The following GPC6 variants were observed in gnomAD, a reference collection of about 807,000 sequenced individuals.
GPC6 encodes glypican-6.
In GPC6, 14 loss-of-function variants were observed where a neutral mutation model predicts 55.2. The ratio of observed to expected loss-of-function variants is 0.25; its 90% CI spans 0.17 to 0.40. The LOEUF (loss-of-function observed/expected upper bound fraction) is 0.40. Among genes scored for constraint, GPC6 ranks in the 10% least tolerant of loss-of-function variants. GPC6 has a pLI of 1.00. For synonymous variants in GPC6, 278 were observed against 259.6 expected (o/e 1.07, Z -0.68); for missense variants, 641 against 708.5 (o/e 0.90, Z 1.08).
intron 6 of GPC6, among the ~76,000 whole-genome samples, chr13:94,336,584 C>T (rs923992961): frequency 4.6e-5 from 7 of 151,996 alleles, no homozygotes; most frequent in African/African-American, 1.7e-4. Flanking sequence ...GTTGCTCTTC[C>T]CAGGATGGAG....
chr13:94,230,038 C>T (rs550704007), intron 4 of GPC6, among the ~76,000 whole-genome samples: 5 of 152,150 alleles, frequency 3.3e-5, no homozygotes, highest in Non-Finnish European at 7.4e-5. Flanking sequence ...CAGACAGATT[C>T]GTGGGCTGAT....
chr13:93,642,705 A>T (rs185868964), intron 2 of GPC6, among the ~76,000 whole-genome samples: 20 of 152,242 alleles, frequency 1.3e-4, no homozygotes, highest in Non-Finnish European at 2.5e-4. Flanking sequence ...ATACAGAACA[A>T]CGATTTTTAC....
intron 3 of GPC6, among the ~76,000 whole-genome samples, chr13:93,896,064 G>T (rs1875996663): frequency 6.6e-6 from 1 of 151,978 alleles, no homozygotes; most frequent in South Asian, 2.1e-4. Context: ...CTAACACAAA[G>T]AAATGATAAA....
chr13:93,917,989 C>T (rs563991637), intron 3 of GPC6, among the ~76,000 whole-genome samples: 2 of 151,700 alleles, frequency 1.3e-5, no homozygotes, highest in Non-Finnish European at 2.9e-5. Flanking sequence ...CCCAGCTACT[C>T]GGGAGGCTGA....
chr13:94,150,089 G>A (rs1255557694), intron 4 of GPC6, among the ~76,000 whole-genome samples: 2 of 151,840 alleles, frequency 1.3e-5, no homozygotes, highest in Admixed American at 1.3e-4. Context: ...GCCCTTCTTG[G>A]TGCCCCTTAT....
intron 2 of GPC6, among the ~76,000 whole-genome samples, chr13:93,705,156 C>T (rs1165452227): frequency 6.6e-6 from 1 of 151,868 alleles, no homozygotes; most frequent in African/African-American, 2.4e-5. Context: ...TACTAGTTTT[C>T]CTTTTCTATA....
At chr13:93,661,810 A>G (rs975879758) in intron 2 of GPC6, among the ~76,000 whole-genome samples, 1 of 152,286 alleles carries the variant, frequency 6.6e-6, no homozygotes, top group Middle Eastern at 3.4e-3. Context: ...ATCACTTTAT[A>G]CAGGCATATA....
the GPC6 span, among the ~76,000 whole-genome samples, chr13:93,218,163 G>T: frequency 1.4e-4 from 20 of 141,776 alleles, no homozygotes; most frequent in Non-Finnish European, 2.8e-4. Flanking sequence ...CACCAGATTT[G>T]CTTTCTCACA....
At chr13:93,258,465 G>A (rs934733201) in intron 1 of GPC6, among the ~76,000 whole-genome samples, 10 of 152,108 alleles carry the variant, frequency 6.6e-5, no homozygotes, top group Non-Finnish European at 1.3e-4. Flanking sequence ...GATCTTGGCT[G>A]TGGTCTTGGC....
intron 1 of GPC6, among the ~76,000 whole-genome samples, chr13:93,364,269 A>T (rs4360801): frequency 5.6e-4 from 85 of 152,282 alleles, no homozygotes; most frequent in African/African-American, 2.0e-3. Flanking sequence ...TTCTTGGTGG[A>T]TGAAGACGAA....
intron 3 of GPC6, among the ~76,000 whole-genome samples, chr13:93,984,405 G>T (rs1356534215): frequency 6.6e-6 from 1 of 152,092 alleles, no homozygotes; most frequent in Non-Finnish European, 1.5e-5. Context: ...AGAATGAATG[G>T]CTCAAAACTG....
intron 1 of GPC6, among the ~76,000 whole-genome samples, chr13:93,287,699 T>A (rs1324788725): frequency 6.6e-6 from 1 of 152,208 alleles, no homozygotes; most frequent in African/African-American, 2.4e-5. Context: ...TTACTAAAGA[T>A]ATTTCCTTTA....
intron 2 of GPC6, among the ~76,000 whole-genome samples, chr13:93,688,130 A>G (rs9561427): frequency 0.26 from 38,986 of 151,938 alleles, 5,630 homozygotes; most frequent in East Asian, 0.47. Context: ...CAACGTTTCA[A>G]TTTATCAACC....
intron 4 of GPC6, chr13:94,187,828 A>G (rs576903233): frequency 2.0e-5 from 3 of 152,360 alleles, no homozygotes; most frequent in South Asian, 2.1e-4. Flanking sequence ...TAAGATATAT[A>G]TAGTTTTGAG....
At chr13:93,596,610 A>ATATATAT (rs1566441951) in intron 2 of GPC6, among the ~76,000 whole-genome samples, 3 of 132,870 alleles carry the variant, frequency 2.3e-5, no homozygotes, top group African/African-American at 9.1e-5. Context: ...TAAATAAATA[A>ATATATAT]ATATATATAT....
intron 5 of GPC6, among the ~76,000 whole-genome samples, chr13:94,288,116 T>G (rs1892581190): frequency 6.6e-6 from 1 of 152,164 alleles, no homozygotes; most frequent in African/African-American, 2.4e-5. Context: ...CTCAGTAAGC[T>G]TACTTTCTAA....
chr13:94,348,228 C>T (rs1016944179), intron 6 of GPC6, among the ~76,000 whole-genome samples: 1 of 152,188 alleles, frequency 6.6e-6, no homozygotes, highest in Non-Finnish European at 1.5e-5. Flanking sequence ...AACATATACT[C>T]TTATGGAGTA....
chr13:93,870,171 G>T (rs1447762563), intron 3 of GPC6, among the ~76,000 whole-genome samples: 1 of 151,844 alleles, frequency 6.6e-6, no homozygotes, highest in Non-Finnish European at 1.5e-5. Context: ...ATAGCCTCAA[G>T]TTGTCTTGAC....
chr13:93,429,513 T>C (rs536591590), intron 1 of GPC6, among the ~76,000 whole-genome samples: 1 of 152,278 alleles, frequency 6.6e-6, no homozygotes, highest in Admixed American at 6.5e-5. Flanking sequence ...TGCCTCTGTC[T>C]TTCCCTTTGC....
Sources: allele counts gnomAD v4.1 joint callset (sites outside exome capture counted in the v4.1 genomes callset), GRCh38; gene constraint gnomAD v4.1.1; transcripts MANE v1.5; gene names NCBI Gene and HGNC (gene_info 2026-07-23, HGNC 2026-07-21).